Variants in ULK1 observed in about 807,000 individuals in gnomAD.
The protein encoded by ULK1 is serine/threonine-protein kinase ULK1.
Under a neutral mutation model 117.5 loss-of-function variants are expected in ULK1, and 48 were observed. That is an observed-to-expected ratio of 0.41 (90% CI 0.32 to 0.52). The LOEUF is 0.52. Ranked by LOEUF, ULK1 falls within the 20% of genes least tolerant of loss-of-function variation. The pLI is 0.29. For synonymous variants in ULK1, 790 were observed against 637.8 expected (o/e 1.24, Z -3.60); for missense variants, 1,387 against 1,473.4 (o/e 0.94, Z 0.96).
chr12:131,912,238 T>G, intron 13 of ULK1, 149 bp downstream of exon 13: 1 of 1,283,008 alleles, frequency 7.8e-7, no homozygotes, highest in Non-Finnish European at 1.0e-6. Flanking sequence ...CCCAGCTTGG[T>G]TGGGGAGGCC....
intron 11 of ULK1, 26 bp from the exon 12 acceptor site, chr12:131,910,686 G>A (rs746321637): frequency 2.5e-6 from 4 of 1,612,926 alleles, no homozygotes; most frequent in Admixed American, 1.7e-5. Context: ...GGATGGCCCA[G>A]ACTGACCTAT....
chr12:131,922,169 T>C lies in ULK1; in HGVS notation c.*808T>C, dbSNP rs1263986008. 4.4e-5 allele frequency: 16 copies of C among 367,314 alleles called. No individual in the cohort carries two copies. Among genetic ancestry groups the C allele is most frequent in the Non-Finnish European group, 3.3e-5 (6 of 183,852 alleles). 22.8% of individuals were successfully genotyped at this position (367,314 alleles called of 1,614,324 possible). On this transcript the variant is annotated 3_prime_UTR_variant, in exon 28 of 28. Coordinates refer to ENST00000321867, the MANE Select transcript of ULK1 (RefSeq NM_003565.4). ...AAAACGTGTCTTATTTTTATGCAGC[T>C]CATTTTTTCTTTAAAGGAGAAAACT...
intron 26 of ULK1, chr12:131,920,375 C>T (rs975151641): frequency 2.0e-6 from 1 of 511,536 alleles, no homozygotes; most frequent in African/African-American, 1.9e-5. Flanking sequence ...CGCCCCGACT[C>T]AGTTTCCCCA....
At position 131,912,694 on chromosome 12, in the gene ULK1, C is replaced by G. The variant is rs188278136; in HGVS notation, c.1097-504C>G. On this transcript the variant is annotated intron_variant, in intron 13 of 27. Coordinates refer to ENST00000321867, the MANE Select transcript of ULK1 (RefSeq NM_003565.4). ...GCCTCTCCCATCAGCATGGCTTCTG[C>G]GGGGGTGGTGAGGCCCGAGCCAAGC... Among the ~76,000 whole-genome samples the G allele has an allele frequency of 4.7e-4, 72 of 152,322 alleles. No homozygotes were observed. The East Asian group carries it at 0.013, about 27-fold the overall frequency.
chr12:131,903,147 C>T lies in ULK1; in HGVS notation c.247-3745C>T, dbSNP rs186072244. Among the ~76,000 whole-genome samples the T allele has an allele frequency of 4.0e-3, 606 of 152,162 alleles. 4 individuals are homozygous for T. The highest frequency in any genetic ancestry group is 0.02 in the Middle Eastern group (6 of 294). On this transcript the variant is annotated intron_variant, in intron 3 of 27. Coordinates refer to ENST00000321867, the MANE Select transcript of ULK1 (RefSeq NM_003565.4). The surrounding 1 kb of genome is among the most constrained non-coding windows in gnomAD (Gnocchi z 6.0). ...GGGTGGACAGGCCCAGCTGGGGGCCCCCGTCGGGGGGTGTTGTGGCGCAGG... is the reference window on the plus strand; with the variant it reads ...GGGTGGACAGGCCCAGCTGGGGGCCTCCGTCGGGGGGTGTTGTGGCGCAGG...
chr12:131,920,167 G>A (rs1162252620), intron 26 of ULK1, 31 bp downstream of exon 26: 2 of 1,600,076 alleles, frequency 1.2e-6, no homozygotes, highest in South Asian at 1.1e-5. Flanking sequence ...AGTGGGGCAG[G>A]GGCCAGGAAC....
chr12:131,916,295 C>G, intron 19 of ULK1, 103 bp from the exon 20 acceptor site: 1 of 1,511,058 alleles, frequency 6.6e-7, no homozygotes, highest in Non-Finnish European at 8.9e-7. Flanking sequence ...CAGGCTGCTC[C>G]CACATGCCTG....
In ULK1 at chr12:131,895,693, G is replaced by GGTGA; in HGVS notation, c.204+2_204+5dup. 2.5e-6 allele frequency: 4 copies of GGTGA among 1,614,182 alleles called. No individual in the cohort carries two copies. Among genetic ancestry groups the GGTGA allele is most frequent in the Non-Finnish European group, 3.4e-6 (4 of 1,180,012 alleles). On this transcript the variant is annotated frameshift_variant and splice_region_variant. Coordinates refer to ENST00000321867, the MANE Select transcript of ULK1 (RefSeq NM_003565.4). LOFTEE classifies it high-confidence loss of function. Reference sequence around the variant, plus strand: ...TGGGGAAGGAAATCAAAATCCTGAAGGTGAGCCAGTGCTGGGGGAGGGGGC... The same window carrying GGTGA: ...TGGGGAAGGAAATCAAAATCCTGAAGGTGAGTGAGCCAGTGCTGGGGGAGGGGGC...
chr12:131,916,505 C>T lies in ULK1; in HGVS notation c.1986C>T (p.Pro662=), dbSNP rs61731334. 30,101 of 1,612,104 alleles carry T rather than the reference C, an allele frequency of 0.019. 373 individuals carry two copies. Among genetic ancestry groups the T allele is most frequent in the Middle Eastern group, 0.028 (169 of 6,056 alleles). The change falls in exon 20 of 28, where the codon CCC becomes CCT. Residue 662 remains proline (P), a synonymous_variant. Coordinates refer to ENST00000321867, the MANE Select transcript of ULK1 (RefSeq NM_003565.4). ...VMTPPRNRTL[P]DLSEVGPFHG... is the part of the protein sequence containing the mutation. ...CGCCCCCTCGAAACCGGACGCTGCC[C>T]GACCTCTCGGAGGTGGGACCCTTCC... is the stretch of plus-strand genomic sequence containing the variant.
intron 5 of ULK1, 130 bp from the exon 6 acceptor site, chr12:131,908,514 G>T (rs1889376279): frequency 1.7e-6 from 2 of 1,171,374 alleles, no homozygotes; most frequent in Non-Finnish European, 2.3e-6. Context: ...CTCCTGACCC[G>T]GGGTTTCCTC....
chr12:131,911,277 GTGT>G (rs1240677609), intron 12 of ULK1, among the ~76,000 whole-genome samples: 3 of 152,212 alleles, frequency 2.0e-5, no homozygotes, highest in Non-Finnish European at 4.4e-5. Context: ...CTCAGGCATG[GTGT>G]TGTGGCTGGT....
rs750357540 is a variant in ULK1 at position 131,917,096 on chromosome 12, A to ACGGGGG, written c.2182+34_2182+35insCGGGGG. The ACGGGGG allele has an allele frequency of 2.3e-3, 2,813 of 1,232,838 alleles. 610 individuals carry two copies. The highest frequency in any genetic ancestry group is 5.8e-3 in the South Asian group (399 of 68,936). 76.4% of individuals were successfully genotyped at this position (1,232,838 alleles called of 1,614,324 possible). A position where few individuals can be genotyped will look rare whatever the true frequency, so the allele number is the denominator to read the frequency against. On this transcript the variant is annotated intron_variant, in intron 21 of 27. Transcript: ENST00000321867. ...GTGGGTGGGGCTCGGAGGCTGTGGG[A>ACGGGGG]TGGGGGTCGGAGGCTGTGGGATGGG...
In ULK1 at chr12:131,901,635, C is replaced by A. The variant is rs549753386; in HGVS notation, c.247-5257C>A. ...TTAAGCCTGGAGGTGGGATGTCAGCCGTAGGTTGAGGGGTGCTGTGTCTCC... is the reference window on the plus strand; with the variant it reads ...TTAAGCCTGGAGGTGGGATGTCAGCAGTAGGTTGAGGGGTGCTGTGTCTCC... On this transcript the variant is annotated intron_variant, in intron 3 of 27. Transcript: ENST00000321867. Among the ~76,000 whole-genome samples, 16 of 152,248 alleles carry A rather than the reference C, an allele frequency of 1.1e-4. No homozygotes were observed. In the South Asian group the frequency reaches 3.3e-3, roughly 32 times the overall value.
rs747659389 is a variant in ULK1 at position 131,915,952 on chromosome 12, C to G, written c.1671C>G (p.Ala557=). The change falls in exon 19 of 28, where the codon GCC becomes GCG. Residue 557 remains alanine, a synonymous_variant. Coordinates refer to ENST00000321867, the MANE Select transcript of ULK1 (RefSeq NM_003565.4). The stretch of plus-strand genomic sequence containing the variant: ...GGCTGGGCTGCCGCCTGCACAGCGC[C>G]CCCAACCTGTCTGACTTGCACGTCG... ...TSGLGCRLHS[A]PNLSDLHVVR... is the part of the protein sequence containing the mutation. 2.5e-6 allele frequency: 4 copies of G among 1,612,480 alleles called. No individual in the cohort carries two copies. In the South Asian group the frequency reaches 4.4e-5, roughly 18 times the overall value.
intron 3 of ULK1, among the ~76,000 whole-genome samples, chr12:131,904,372 T>G (rs1201651453): frequency 2.0e-5 from 3 of 152,206 alleles, no homozygotes; most frequent in African/African-American, 7.2e-5. Context: ...GGTCTCAAAC[T>G]CCTGGGCTCA....
chr12:131,913,510 A>G (rs533847347), intron 14 of ULK1, among the ~76,000 whole-genome samples: 3 of 152,276 alleles, frequency 2.0e-5, no homozygotes, highest in South Asian at 4.1e-4. Flanking sequence ...CCTGGCCAAC[A>G]TGGTGAAACC....
rs1251658826 is a variant in ULK1, at chr12:131,922,800, G to C, written c.*1439G>C. 3 of 152,514 alleles carry C rather than the reference G, an allele frequency of 2.0e-5. No individual in the cohort carries two copies. Among genetic ancestry groups the C allele is most frequent in the Non-Finnish European group, 4.4e-5 (3 of 68,048 alleles). 9.4% of individuals were successfully genotyped at this position (152,514 alleles called of 1,614,324 possible). A position where few individuals can be genotyped will look rare whatever the true frequency, so the allele number is the denominator to read the frequency against. On this transcript the variant is annotated 3_prime_UTR_variant, in exon 28 of 28. Coordinates refer to ENST00000321867, the MANE Select transcript of ULK1 (RefSeq NM_003565.4). ...TACTTGAAATATTGCCACTGTGCTT[G>C]GACTTAGAAGAAGAAAATCCCCGTG... is the stretch of plus-strand genomic sequence containing the variant.
rs1414956746 is a variant in ULK1, at chr12:131,915,920, A to G, written c.1639A>G (p.Thr547Ala). 2 of 1,611,722 alleles carry G rather than the reference A, an allele frequency of 1.2e-6. No homozygotes were observed. Among genetic ancestry groups the G allele is most frequent in the Non-Finnish European group, 1.7e-6 (2 of 1,179,770 alleles). The change falls in exon 19 of 28, where the codon ACT becomes GCT. Residue 547 changes from threonine (T) to alanine (A), a missense_variant. Coordinates refer to ENST00000321867, the MANE Select transcript of ULK1 (RefSeq NM_003565.4). ...GSSAPEHSPRTSGLGCRLHSA... is the reference protein window; with the variant it reads ...GSSAPEHSPRASGLGCRLHSA... ...CTCTGCACCCGAGCACTCTCCCCGC[A>G]CTTCCGGGCTGGGCTGCCGCCTGCA...
rs368618655 is a variant in ULK1, at chr12:131,916,566, G to A, written c.2047G>A (p.Glu683Lys). 8.8e-6 allele frequency: 14 copies of A among 1,595,052 alleles called. No individual in the cohort carries two copies. The highest frequency in any genetic ancestry group is 4.5e-5 in the East Asian group (2 of 44,702). ...QPLGPGLRPG[E>K]DPKGPFGRSF... is the part of the protein sequence containing the mutation. ...GTTGGGCCCTGGCCTGCGGCCAGGC[G>A]AGGACCCCAAGGGCCCCTTTGGCCG... The change falls in exon 20 of 28, where the codon GAG (glutamate) becomes AAG (lysine). Residue 683 changes from glutamate to lysine, a missense_variant. Transcript: ENST00000321867.
Sources: allele counts gnomAD v4.1 joint callset (sites outside exome capture counted in the v4.1 genomes callset), GRCh38; gene constraint gnomAD v4.1.1; non-coding constraint Gnocchi (gnomAD v3.1); transcripts MANE v1.5; gene names NCBI Gene and HGNC (gene_info 2026-07-23, HGNC 2026-07-21).